Variants in GALNTL6 observed in about 807,000 individuals in gnomAD.
GALNTL6 encodes polypeptide N-acetylgalactosaminyltransferase like 6.
Under a neutral mutation model 73.7 loss-of-function variants are expected in GALNTL6, and 46 were observed. That is an observed-to-expected ratio of 0.62 (90% confidence interval 0.49 to 0.80). The LOEUF (loss-of-function observed/expected upper bound fraction) is 0.80. GALNTL6 is among the 30% of genes least tolerant of loss of function. GALNTL6 has a pLI of 0.00. For synonymous variants in GALNTL6, 259 were observed against 263.7 expected (o/e 0.98, Z 0.17); for missense variants, 604 against 755.0 (o/e 0.80, Z 2.34).
At chr4:172,922,910 G>T (rs1376239302) in intron 8 of GALNTL6, among the ~76,000 whole-genome samples, 1 of 152,152 alleles carries the variant, frequency 6.6e-6, no homozygotes, top group Non-Finnish European at 1.5e-5. Flanking sequence ...GTTAGAGTAG[G>T]CAGATAGCTA....
At chr4:172,121,257 T>TG (rs1733142076) in intron 2 of GALNTL6, among the ~76,000 whole-genome samples, 2 of 142,372 alleles carry the variant, frequency 1.4e-5, no homozygotes, top group Non-Finnish European at 3.1e-5. Flanking sequence ...TCAAGAAGCA[T>TG]TGTGTGTGTG....
intron 2 of GALNTL6, among the ~76,000 whole-genome samples, chr4:171,837,444 A>C (rs1322080448): frequency 1.3e-5 from 2 of 151,770 alleles, no homozygotes; most frequent in African/African-American, 4.8e-5. Context: ...ATTGGTGTTA[A>C]TATCCTGACC....
At chr4:172,893,197 T>A (rs1440790805) in intron 8 of GALNTL6, among the ~76,000 whole-genome samples, 1 of 152,148 alleles carries the variant, frequency 6.6e-6, no homozygotes, top group Non-Finnish European at 1.5e-5. Flanking sequence ...GTTCCAGGTG[T>A]TCCACGCTGT....
At chr4:172,265,193 G>A (rs998303808) in intron 3 of GALNTL6, among the ~76,000 whole-genome samples, 9 of 151,944 alleles carry the variant, frequency 5.9e-5, no homozygotes, top group African/African-American at 2.2e-4. Flanking sequence ...ATTTCAAGGC[G>A]CAACCGTGAG....
chr4:172,293,422 T>G (rs922308444), intron 3 of GALNTL6, among the ~76,000 whole-genome samples: 2 of 143,000 alleles, frequency 1.4e-5, no homozygotes, highest in African/African-American at 5.1e-5. Context: ...TGATTATATA[T>G]GCATTAATGA....
At chr4:172,567,191 C>A (rs1483659034) in intron 5 of GALNTL6, among the ~76,000 whole-genome samples, 1 of 149,738 alleles carries the variant, frequency 6.7e-6, no homozygotes, top group East Asian at 1.9e-4. Context: ...TTTTTTTTTT[C>A]TCAGAAGCTC....
At chr4:171,951,042 A>G (rs1406851264) in intron 2 of GALNTL6, among the ~76,000 whole-genome samples, 2 of 152,174 alleles carry the variant, frequency 1.3e-5, no homozygotes, top group Non-Finnish European at 2.9e-5. Context: ...GTATCAGTCT[A>G]TTTAATAAAT....
chr4:172,925,369 A>G (rs1269526856), intron 8 of GALNTL6, among the ~76,000 whole-genome samples: 1 of 152,218 alleles, frequency 6.6e-6, no homozygotes, highest in African/African-American at 2.4e-5. Flanking sequence ...TATCGATAGA[A>G]GACATGAATT....
At chr4:172,882,354 A>G (rs1473036528) in intron 7 of GALNTL6, among the ~76,000 whole-genome samples, 1 of 152,174 alleles carries the variant, frequency 6.6e-6, no homozygotes, top group African/African-American at 2.4e-5. Context: ...GCGTACTGAG[A>G]GATTACTCAA....
At chr4:172,920,998 G>A (rs1747760711) in intron 8 of GALNTL6, among the ~76,000 whole-genome samples, 1 of 152,126 alleles carries the variant, frequency 6.6e-6, no homozygotes, top group Admixed American at 6.5e-5. Context: ...GGATCAAAAG[G>A]ATTTGGAGCT....
At chr4:171,937,232 G>A (rs774847381) in intron 2 of GALNTL6, among the ~76,000 whole-genome samples, 15 of 152,050 alleles carry the variant, frequency 9.9e-5, no homozygotes, top group African/African-American at 1.2e-4. Context: ...ACATGAGTGC[G>A]ATGAAATGAC....
chr4:171,873,308 G>T (rs1049509301), intron 2 of GALNTL6, among the ~76,000 whole-genome samples: 4 of 152,120 alleles, frequency 2.6e-5, no homozygotes, highest in African/African-American at 9.7e-5. Context: ...GTTCAATATA[G>T]GATGATTGAA....
intron 5 of GALNTL6, among the ~76,000 whole-genome samples, chr4:172,520,451 G>A (rs1734740639): frequency 6.6e-6 from 1 of 151,252 alleles, no homozygotes; most frequent in Non-Finnish European, 1.5e-5. Flanking sequence ...CATATATACT[G>A]TTATTTTGTG....
chr4:172,036,701 T>C (rs1035332982), intron 2 of GALNTL6, among the ~76,000 whole-genome samples: 1 of 152,130 alleles, frequency 6.6e-6, no homozygotes, highest in Non-Finnish European at 1.5e-5. Context: ...GTCATAGTCG[T>C]ATAGCCTGAA....
At chr4:172,480,664 T>G (rs1446919208) in intron 5 of GALNTL6, among the ~76,000 whole-genome samples, 2 of 152,196 alleles carry the variant, frequency 1.3e-5, no homozygotes, top group Non-Finnish European at 2.9e-5. Context: ...AAGAATGTAT[T>G]ATTGTTCATG....
At chr4:172,299,556 T>C (rs1425830894) in intron 3 of GALNTL6, among the ~76,000 whole-genome samples, 1 of 152,226 alleles carries the variant, frequency 6.6e-6, no homozygotes, top group African/African-American at 2.4e-5. Context: ...CCAGAGATTC[T>C]GGTATGTTTT....
At chr4:172,017,146 C>T (rs1741221514) in intron 2 of GALNTL6, among the ~76,000 whole-genome samples, 1 of 152,078 alleles carries the variant, frequency 6.6e-6, no homozygotes. Context: ...GCTAAGGTAG[C>T]CTCCTTGATG....
intron 2 of GALNTL6, among the ~76,000 whole-genome samples, chr4:171,843,042 C>T (rs1735278624): frequency 6.6e-6 from 1 of 152,140 alleles, no homozygotes; most frequent in Middle Eastern, 3.4e-3. Flanking sequence ...CTTTTTAGAC[C>T]ATTTTTCTTT....
intron 5 of GALNTL6, among the ~76,000 whole-genome samples, chr4:172,388,842 T>A (rs1579024774): frequency 1.3e-5 from 2 of 152,076 alleles, no homozygotes; most frequent in East Asian, 3.8e-4. Flanking sequence ...GCGGGTACCA[T>A]ACTTACATGA....
Sources: gnomAD v4.1 joint callset for allele counts (sites outside exome capture counted in the v4.1 genomes callset) on GRCh38, gnomAD v4.1.1 for gene constraint, MANE v1.5 for transcripts, NCBI Gene and HGNC (gene_info 2026-07-23, HGNC 2026-07-21) for gene names.